KAZN: variants seen among roughly 807,000 people sequenced by gnomAD.
KAZN encodes kazrin, periplakin interacting protein.
KAZN carries 40 observed loss-of-function variants against 87.4 expected under a neutral mutation model. The ratio of observed to expected loss-of-function variants is 0.46; its 90% CI spans 0.36 to 0.60. The LOEUF (loss-of-function observed/expected upper bound fraction) is 0.60, where lower values mean the gene tolerates loss of function less well. Ranked by LOEUF, KAZN falls within the 20% of genes least tolerant of loss-of-function variation. KAZN has a pLI of 0.00. For synonymous variants in KAZN, 466 were observed against 458.3 expected, an observed-to-expected ratio of 1.02 and a Z score of -0.22; for missense variants, 898 against 1,073.9, an observed-to-expected ratio of 0.84 and a Z score of 2.29.
chr1:14,224,426 T>A (rs1647193849), intron 2 of KAZN, among the ~76,000 whole-genome samples: 3 of 152,136 alleles, frequency 2.0e-5, no homozygotes, highest in Non-Finnish European at 4.4e-5. Context: ...TTATTTGGTG[T>A]TTAATGATTA....
chr1:14,002,581 C>A (rs888385839), intron 1 of KAZN, among the ~76,000 whole-genome samples: 5 of 152,088 alleles, frequency 3.3e-5, no homozygotes, highest in Non-Finnish European at 7.4e-5. Context: ...GTTTTGGGTG[C>A]GTCTTTATCA....
intron 1 of KAZN, among the ~76,000 whole-genome samples, chr1:14,834,792 T>A (rs943013797): frequency 6.6e-6 from 1 of 151,228 alleles, no homozygotes; most frequent in African/African-American, 2.5e-5. Flanking sequence ...CTGATGGAGC[T>A]TGGAGCCTAG....
At chr1:14,256,499 CAGAGAG>C (rs987546906) in intron 2 of KAZN, among the ~76,000 whole-genome samples, 1 of 151,810 alleles carries the variant, frequency 6.6e-6, no homozygotes. Context: ...GGGAAGGAGA[CAGAGAG>C]AGGAAAGGAG....
intron 2 of KAZN, among the ~76,000 whole-genome samples, chr1:14,346,199 G>A (rs535743556): frequency 3.3e-5 from 5 of 152,132 alleles, no homozygotes; most frequent in African/African-American, 4.8e-5. Context: ...GCTTGTTACT[G>A]TACATGAAAA....
upstream of KAZN, among the ~76,000 whole-genome samples, chr1:14,596,401 T>A (rs1336897792): frequency 6.6e-6 from 1 of 152,090 alleles, no homozygotes; most frequent in Non-Finnish European, 1.5e-5. Flanking sequence ...AACATTCCCA[T>A]CCTCTCTATT....
At chr1:14,328,092 G>A (rs12093888) in intron 2 of KAZN, among the ~76,000 whole-genome samples, 15,346 of 152,066 alleles carry the variant, frequency 0.1, 1,830 homozygotes, top group African/African-American at 0.29. Context: ...TAGACCAGGC[G>A]GAAAATAATT....
At position 14,547,652 on chromosome 1, in the gene KAZN, G is replaced by A. The variant is rs566825589; in HGVS notation, c.250-51331G>A. ...GGCTGGAGTGCAGTGATGCAGTCTC[G>A]GCTCACTGCAAGCTCCGCATCCCGG... On this transcript the variant is annotated intron_variant, in intron 2 of 16. Transcript: ENST00000636203. 7.9e-5 allele frequency among the ~76,000 whole-genome samples: 12 copies of A among 152,094 alleles called. No individual in the cohort carries two copies. In the East Asian group the frequency reaches 1.7e-3, roughly 22 times the overall value.
chr1:14,994,059 G>C (rs533427779), intron 2 of KAZN, among the ~76,000 whole-genome samples: 1 of 152,338 alleles, frequency 6.6e-6, no homozygotes, highest in Admixed American at 6.5e-5. Flanking sequence ...GCATCTCATA[G>C]TCCTCTGCTT....
chr1:14,422,419 A>G (rs1665484978), intron 2 of KAZN, among the ~76,000 whole-genome samples: 1 of 152,232 alleles, frequency 6.6e-6, no homozygotes, highest in African/African-American at 2.4e-5. Flanking sequence ...AGGCTGGCCC[A>G]GAACAAAACG....
chr1:14,392,543 C>T (rs931095514), intron 2 of KAZN, among the ~76,000 whole-genome samples: 48 of 152,188 alleles, frequency 3.2e-4, no homozygotes, highest in African/African-American at 1.1e-3. Flanking sequence ...CTGCCCTTCC[C>T]CAAGCTTCCA....
At chr1:14,183,391 G>A (rs985532455) in intron 2 of KAZN, among the ~76,000 whole-genome samples, 18 of 152,098 alleles carry the variant, frequency 1.2e-4, no homozygotes, top group South Asian at 2.1e-4. Context: ...TCCCCTAAAC[G>A]TTTTGAGCAT....
rs1303978884 is a variant in KAZN at position 14,603,837 on chromosome 1, C to T, written c.226+4614C>T. 2.6e-5 allele frequency among the ~76,000 whole-genome samples: 4 copies of T among 152,274 alleles called. No homozygotes were observed. The East Asian group carries it at 7.7e-4, about 29-fold the overall frequency. ...TGCCAGTGTGTTTGTAGCAGATGGGCTTGGCAGGTGGCAAGAGCTCATTGG... is the reference window on the plus strand; with the variant it reads ...TGCCAGTGTGTTTGTAGCAGATGGGTTTGGCAGGTGGCAAGAGCTCATTGG... On this transcript the variant is annotated intron_variant, in intron 1 of 14. Coordinates refer to ENST00000376030, the MANE Select transcript of KAZN (RefSeq NM_201628.3).
chr1:14,189,761 T>C (rs1646385401), intron 2 of KAZN, among the ~76,000 whole-genome samples: 1 of 152,008 alleles, frequency 6.6e-6, no homozygotes, highest in Non-Finnish European at 1.5e-5. Context: ...GAGGCCAGAG[T>C]GAGTGTGAGA....
At chr1:14,536,865 C>A (rs1672531308) in intron 2 of KAZN, among the ~76,000 whole-genome samples, 1 of 151,730 alleles carries the variant, frequency 6.6e-6, no homozygotes, top group African/African-American at 2.4e-5. Flanking sequence ...CTGGGTGACA[C>A]AAGCGAAACT....
intron 2 of KAZN, among the ~76,000 whole-genome samples, chr1:14,413,415 C>T (rs1216855169): frequency 1.3e-5 from 2 of 151,376 alleles, no homozygotes; most frequent in African/African-American, 2.4e-5. Flanking sequence ...ACAGTGAAAC[C>T]CCCTCTCTAC....
Position 13,913,304 on chromosome 1 carries a change from T to C in KAZN, c.91+19548T>C, listed in dbSNP as rs116551080. 4.8e-3 allele frequency among the ~76,000 whole-genome samples: 730 copies of C among 152,254 alleles called. 6 individuals are homozygous for C. The highest frequency in any genetic ancestry group is 0.017 in the African/African-American group (706 of 41,540). ...CTAGCAGAACGTTCTGTGTGGCCTC[T>C]ATCTGGTCAAGCAGAGGAGACTTGT... On this transcript the variant is annotated intron_variant, in intron 1 of 16. Coordinates refer to the KAZN transcript ENST00000636203.
chr1:14,571,750 A>G (rs987136405), intron 2 of KAZN, among the ~76,000 whole-genome samples: 1 of 152,204 alleles, frequency 6.6e-6, no homozygotes, highest in Non-Finnish European at 1.5e-5. Flanking sequence ...CCCTCCGCCA[A>G]GATTCCATAG....
intron 1 of KAZN, among the ~76,000 whole-genome samples, chr1:14,709,102 C>T (rs972129402): frequency 1.2e-4 from 18 of 152,120 alleles, no homozygotes; most frequent in East Asian, 5.8e-4. Flanking sequence ...GACACACCTG[C>T]GTCTGCTCAC....
intron 2 of KAZN, among the ~76,000 whole-genome samples, chr1:14,970,668 G>T (rs963525882): frequency 6.6e-6 from 1 of 152,106 alleles, no homozygotes; most frequent in South Asian, 2.1e-4. Flanking sequence ...TGCCCTTTCC[G>T]GCGTCTGCTT....
Sources: allele counts gnomAD v4.1 joint callset (sites outside exome capture counted in the v4.1 genomes callset), GRCh38; gene constraint gnomAD v4.1.1; transcripts MANE v1.5; gene names NCBI Gene and HGNC (gene_info 2026-07-23, HGNC 2026-07-21).